The following LRRC4C variants were observed in gnomAD, a reference collection of about 807,000 sequenced individuals.
LRRC4C encodes leucine-rich repeat-containing protein 4C.
Under a neutral mutation model 33.6 loss-of-function variants are expected in LRRC4C, and 5 were observed. That is an observed-to-expected ratio of 0.15 (90% CI 0.08 to 0.31). The LOEUF (loss-of-function observed/expected upper bound fraction) is 0.31. Among genes scored for constraint, LRRC4C ranks in the 10% least tolerant of loss-of-function variants. The pLI is 1.00. For synonymous variants in LRRC4C, 329 were observed against 302.0 expected (o/e 1.09, Z -0.93); for missense variants, 560 against 796.7 (o/e 0.70, Z 3.58).
Position 40,968,583 on chromosome 11 carries a change from T to C in LRRC4C, c.-495-34860A>G, listed in dbSNP as rs75010571. Among the ~76,000 whole-genome samples, 1,154 of 152,244 alleles carry C rather than the reference T, an allele frequency of 7.6e-3. 13 individuals carry two copies. Among genetic ancestry groups the C allele is most frequent in the African/African-American group, 0.027 (1,107 of 41,552 alleles). On this transcript the variant is annotated intron_variant, in intron 1 of 6. Transcript: ENST00000528697. ...ATTAGGGGCCAATAAAACTGGTGGC[T>C]TTATGATGAAGCTAATGCTCATTTA...
intron 2 of LRRC4C, among the ~76,000 whole-genome samples, chr11:40,689,733 TTTTCCCTTTTAGGTTTCTA>T (rs1314752460): frequency 2.0e-5 from 3 of 152,096 alleles, no homozygotes; most frequent in Non-Finnish European, 4.4e-5. Flanking sequence ...CTGCATAAAC[TTTTCCCTTTTAGGTTTCTA>T]TTATTGTGGA....
In LRRC4C at chr11:41,453,486, C is replaced by A. The variant is rs1182700106; in HGVS notation, c.-496+5945G>T. On this transcript the variant is annotated intron_variant, in intron 1 of 6. Transcript: ENST00000528697. ...GCATTTACAGAAGGCTTGCTCTGGA[C>A]TGTCTATAATTATGTGAAGAAGCAT... 2.6e-5 allele frequency among the ~76,000 whole-genome samples: 4 copies of A among 152,118 alleles called. No individual in the cohort carries two copies. The East Asian group carries it at 7.7e-4, about 29-fold the overall frequency.
intron 4 of LRRC4C, among the ~76,000 whole-genome samples, chr11:40,319,240 G>T (rs1945724213): frequency 6.6e-6 from 1 of 151,878 alleles, no homozygotes; most frequent in African/African-American, 2.4e-5. Flanking sequence ...GAACTTCAAA[G>T]CAAGATTTCG....
At chr11:41,102,151 G>A (rs1397764581) in intron 1 of LRRC4C, among the ~76,000 whole-genome samples, 3 of 151,904 alleles carry the variant, frequency 2.0e-5, no homozygotes. Flanking sequence ...TTAAAAAAAA[G>A]TAATTTTAAT....
chr11:40,236,413 C>G (rs551459081), intron 5 of LRRC4C, among the ~76,000 whole-genome samples: 9 of 152,238 alleles, frequency 5.9e-5, no homozygotes, highest in Non-Finnish European at 1.2e-4. Context: ...TTTAAAGATT[C>G]AATCTTTGTT....
At chr11:41,442,288 T>C (rs969109043) in intron 1 of LRRC4C, among the ~76,000 whole-genome samples, 1 of 151,946 alleles carries the variant, frequency 6.6e-6, no homozygotes, top group Non-Finnish European at 1.5e-5. Flanking sequence ...TCTAAAAAAG[T>C]GTTATTCCAA....
At chr11:41,097,084 C>T (rs1940855192) in intron 1 of LRRC4C, among the ~76,000 whole-genome samples, 1 of 152,138 alleles carries the variant, frequency 6.6e-6, no homozygotes, top group African/African-American at 2.4e-5. Flanking sequence ...GGCAGGTTCT[C>T]ATGTAGACAG....
intron 3 of LRRC4C, among the ~76,000 whole-genome samples, chr11:40,515,117 A>G (rs1414167073): frequency 6.6e-6 from 1 of 152,138 alleles, no homozygotes; most frequent in African/African-American, 2.4e-5. Flanking sequence ...ACTTTCATCT[A>G]TATGTGCTAC....
intron 2 of LRRC4C, among the ~76,000 whole-genome samples, chr11:40,736,995 A>C (rs1168743904): frequency 1.3e-5 from 2 of 151,604 alleles, no homozygotes; most frequent in Non-Finnish European, 2.9e-5. Flanking sequence ...GAAGCTCTTT[A>C]GTTTAATTAG....
In LRRC4C at chr11:40,198,894, T is replaced by A. The variant is rs116331971; in HGVS notation, c.-96+42625A>T. 1.1e-3 allele frequency among the ~76,000 whole-genome samples: 170 copies of A among 152,272 alleles called. 1 individual carries two copies. The highest frequency in any genetic ancestry group is 3.9e-3 in the African/African-American group (163 of 41,554). ...TGTGGAAGATTATCTTCTCTAGAAG[T>A]TCCCCCCAGAAGGAGGTGAGAGAGA... On this transcript the variant is annotated intron_variant, in intron 5 of 6. Coordinates refer to ENST00000528697, the MANE Select transcript of LRRC4C (RefSeq NM_001258419.2).
chr11:41,345,628 G>T (rs899457459), intron 1 of LRRC4C, among the ~76,000 whole-genome samples: 4 of 152,040 alleles, frequency 2.6e-5, no homozygotes, highest in Non-Finnish European at 5.9e-5. Flanking sequence ...AAAATCATTT[G>T]ACCCTTTAAA....
intron 3 of LRRC4C, among the ~76,000 whole-genome samples, chr11:40,628,874 A>G (rs565910822): frequency 5.9e-5 from 9 of 152,208 alleles, no homozygotes; most frequent in Non-Finnish European, 1.3e-4. Context: ...TAAGCCTTCA[A>G]TTAGTACATT....
chr11:40,148,041 A>G (rs1299856153), intron 5 of LRRC4C, among the ~76,000 whole-genome samples: 2 of 152,154 alleles, frequency 1.3e-5, no homozygotes, highest in African/African-American at 2.4e-5. Flanking sequence ...AACGGCCTCC[A>G]GCTTCATCCA....
At chr11:41,327,610 T>C (rs977042312) in intron 1 of LRRC4C, among the ~76,000 whole-genome samples, 6 of 152,112 alleles carry the variant, frequency 3.9e-5, no homozygotes, top group African/African-American at 1.2e-4. Context: ...TCAGGAGGAA[T>C]GTTAGTGATA....
intron 1 of LRRC4C, among the ~76,000 whole-genome samples, chr11:41,179,612 G>A (rs1208024974): frequency 1.3e-5 from 2 of 152,012 alleles, no homozygotes; most frequent in Non-Finnish European, 2.9e-5. Context: ...TTAGTCTTTG[G>A]TTCACTTAAC....
chr11:41,190,481 G>A (rs1264641692), intron 1 of LRRC4C, among the ~76,000 whole-genome samples: 3 of 152,072 alleles, frequency 2.0e-5, no homozygotes, highest in African/African-American at 7.2e-5. Context: ...TGTTGTAATA[G>A]CACAATGCCA....
At chr11:40,279,859 T>A (rs942527477) in intron 4 of LRRC4C, among the ~76,000 whole-genome samples, 5 of 152,178 alleles carry the variant, frequency 3.3e-5, no homozygotes, top group African/African-American at 9.7e-5. Context: ...TTTATTAGTA[T>A]TACTTATGGG....
At chr11:41,314,655 CG>C (rs1565573862) in intron 1 of LRRC4C, among the ~76,000 whole-genome samples, 1 of 151,934 alleles carries the variant, frequency 6.6e-6, no homozygotes, top group East Asian at 1.9e-4. Context: ...GTCAGGGGTG[CG>C]GGGCCGTGGG....
At chr11:40,486,981 G>A (rs1279914489) in intron 3 of LRRC4C, among the ~76,000 whole-genome samples, 3 of 151,910 alleles carry the variant, frequency 2.0e-5, no homozygotes, top group Non-Finnish European at 4.4e-5. Flanking sequence ...TTAGGTCCAC[G>A]GAAAACCTCC....
Sources: gnomAD v4.1 joint callset for allele counts (sites outside exome capture counted in the v4.1 genomes callset) on GRCh38, gnomAD v4.1.1 for gene constraint, MANE v1.5 for transcripts, NCBI Gene and HGNC (gene_info 2026-07-23, HGNC 2026-07-21) for gene names.